The following ARHGAP18 variants were observed in gnomAD, a reference collection of about 807,000 sequenced individuals.
ARHGAP18 encodes the protein rho GTPase-activating protein 18.
ARHGAP18 carries 67 observed loss-of-function variants against 86.2 expected under a neutral mutation model. That is an observed-to-expected ratio of 0.78 (90% CI 0.64 to 0.95). The LOEUF (loss-of-function observed/expected upper bound fraction) is 0.95, where lower values mean the gene tolerates loss of function less well. ARHGAP18 is among the 40% of genes least tolerant of loss of function. ARHGAP18 has a pLI of 0.00. For synonymous variants in ARHGAP18, 283 were observed against 280.4 expected (o/e 1.01, Z -0.09); for missense variants, 691 against 780.4 (o/e 0.89, Z 1.37).
At chr6:129,702,703 A>T (rs1267060879) in intron 1 of ARHGAP18, among the ~76,000 whole-genome samples, 1 of 152,194 alleles carries the variant, frequency 6.6e-6, no homozygotes, top group Non-Finnish European at 1.5e-5. Context: ...GAACAGAATC[A>T]AGAAGAGGCA....
At chr6:129,669,195 G>A (rs1375562958) in intron 1 of ARHGAP18, among the ~76,000 whole-genome samples, 4 of 150,182 alleles carry the variant, frequency 2.7e-5, no homozygotes, top group African/African-American at 7.4e-5. Context: ...TTCTTGAGAC[G>A]GAGTCTCGCT....
At chr6:129,700,690 T>C (rs1039852927) in intron 1 of ARHGAP18, among the ~76,000 whole-genome samples, 1 of 152,220 alleles carries the variant, frequency 6.6e-6, no homozygotes, top group African/African-American at 2.4e-5. Context: ...TGTCAAGCAC[T>C]CATGTAAGTA....
chr6:129,639,274 A>T (rs1170426392), intron 2 of ARHGAP18, among the ~76,000 whole-genome samples: 1 of 152,264 alleles, frequency 6.6e-6, no homozygotes, highest in East Asian at 1.9e-4. Flanking sequence ...AAACACTGAA[A>T]GCAGGAAATA....
chr6:129,588,856 T>C (rs954402096), intron 12 of ARHGAP18, among the ~76,000 whole-genome samples: 1 of 152,272 alleles, frequency 6.6e-6, no homozygotes, highest in African/African-American at 2.4e-5. Context: ...TCTTGACTTC[T>C]GTGTACCTAC....
rs1011212702 is a variant in ARHGAP18, at chr6:129,705,309, G to A, written c.113+4715C>T. On this transcript the variant is annotated intron_variant, in intron 1 of 14. Coordinates refer to ENST00000368149, the MANE Select transcript of ARHGAP18 (RefSeq NM_033515.3). Reference sequence around the variant, plus strand: ...ATGATAGTCCTCTTCCATTTGGCATGCTGGGCAGTAGTAGTTCTTAAAGCA... The same window carrying A: ...ATGATAGTCCTCTTCCATTTGGCATACTGGGCAGTAGTAGTTCTTAAAGCA... 2.6e-5 allele frequency among the ~76,000 whole-genome samples: 4 copies of A among 152,180 alleles called. No homozygotes were observed. The East Asian group carries it at 7.7e-4, about 29-fold the overall frequency.
chr6:129,616,982 A>T (rs993671346), intron 6 of ARHGAP18, among the ~76,000 whole-genome samples: 3 of 152,188 alleles, frequency 2.0e-5, no homozygotes, highest in Non-Finnish European at 4.4e-5. Context: ...AATATCATTC[A>T]TCTTTTCCAT....
intron 1 of ARHGAP18, among the ~76,000 whole-genome samples, chr6:129,707,687 G>C (rs1774824897): frequency 1.4e-5 from 2 of 145,922 alleles, no homozygotes; most frequent in South Asian, 2.2e-4. Flanking sequence ...GTAGAGCTGT[G>C]GGGGCGGGGG....
rs1419812161 is a variant in ARHGAP18, at chr6:129,638,638, G to A, written c.317-9C>T. The A allele has an allele frequency of 2.5e-6, 4 of 1,601,548 alleles. No individual in the cohort carries two copies. The highest frequency in any genetic ancestry group is 3.4e-6 in the Non-Finnish European group (4 of 1,174,336). ...TTCTTCCAATTCTCCCTCTAAGACA[G>A]TAGAGAAAAGTGGTACTTAAATCAC... On this transcript the variant is annotated splice_polypyrimidine_tract_variant and intron_variant, in intron 2 of 14. Transcript: ENST00000368149.
At chr6:129,622,236 T>C (rs978950788) in intron 5 of ARHGAP18, among the ~76,000 whole-genome samples, 2 of 152,198 alleles carry the variant, frequency 1.3e-5, no homozygotes, top group Non-Finnish European at 2.9e-5. Flanking sequence ...TGAGTTTTCC[T>C]TTTTAAAAAT....
chr6:129,606,057 A>G, intron 9 of ARHGAP18, 98 bp from the exon 10 acceptor site: 1 of 1,123,420 alleles, frequency 8.9e-7, no homozygotes, highest in South Asian at 1.3e-5. Context: ...TTTGGCATAA[A>G]CATGACTGTA....
intron 5 of ARHGAP18, among the ~76,000 whole-genome samples, chr6:129,622,748 C>T (rs894674904): frequency 8.6e-5 from 13 of 151,982 alleles, no homozygotes; most frequent in Non-Finnish European, 1.8e-4. Flanking sequence ...CACCTGTAAT[C>T]CCAGCAATCT....
At chr6:129,663,383 T>A (rs1246171876) in intron 1 of ARHGAP18, among the ~76,000 whole-genome samples, 1 of 152,224 alleles carries the variant, frequency 6.6e-6, no homozygotes, top group African/African-American at 2.4e-5. Context: ...CTTTTTCTTT[T>A]TTTCTAGAGA....
At position 129,626,672 on chromosome 6, in the gene ARHGAP18, T is replaced by TACAC. The variant is rs66753341; in HGVS notation, c.786+2677_786+2680dup. On this transcript the variant is annotated intron_variant, in intron 5 of 14. Transcript: ENST00000368149. Reference sequence around the variant, plus strand: ...GATGTACCCCCAAAACACACACACATACACACACACACACACACACACACA... The same window carrying TACAC: ...GATGTACCCCCAAAACACACACACATACACACACACACACACACACACACACACA... Among the ~76,000 whole-genome samples the TACAC allele has an allele frequency of 2.7e-3, 392 of 147,168 alleles. 2 individuals are homozygous for TACAC. Among genetic ancestry groups the TACAC allele is most frequent in the South Asian group, 0.012 (55 of 4,572 alleles).
chr6:129,649,911 T>G (rs1014724124), intron 1 of ARHGAP18, among the ~76,000 whole-genome samples: 8 of 132,168 alleles, frequency 6.1e-5, no homozygotes, highest in Non-Finnish European at 1.3e-4. Flanking sequence ...CTTCTTTTTT[T>G]TTGTTTTTTT....
At chr6:129,638,328 A>G (rs1333342786) in intron 3 of ARHGAP18, 66 bp downstream of exon 3, 16 of 1,449,270 alleles carry the variant, frequency 1.1e-5, no homozygotes, top group Admixed American at 5.3e-5. Context: ...TTTGAATTAA[A>G]CCAGATTGAT....
chr6:129,678,719 AG>A (rs1774275991), intron 1 of ARHGAP18, among the ~76,000 whole-genome samples: 1 of 152,212 alleles, frequency 6.6e-6, no homozygotes, highest in African/African-American at 2.4e-5. Flanking sequence ...GTGTGATCTG[AG>A]CTTTGTAGTA....
intron 1 of ARHGAP18, among the ~76,000 whole-genome samples, chr6:129,683,050 T>C (rs1774350263): frequency 1.9e-5 from 2 of 107,160 alleles, no homozygotes; most frequent in South Asian, 6.7e-4. Context: ...TGTGTTTTGT[T>C]TTTTCTTTTT....
intron 12 of ARHGAP18, among the ~76,000 whole-genome samples, chr6:129,585,941 C>T (rs1415445722): frequency 6.6e-6 from 1 of 152,180 alleles, no homozygotes; most frequent in Non-Finnish European, 1.5e-5. Context: ...ATACTTCAGT[C>T]TATGACCTTG....
chr6:129,641,844 T>A lies in ARHGAP18; in HGVS notation c.288A>T (p.Gln96His), dbSNP rs1432075779. Residue 96 changes from glutamine to histidine, a missense_variant, in exon 2 of 15, where the codon CAA (glutamine) becomes CAT (histidine). Transcript: ENST00000368149. Reference sequence around the variant, plus strand: ...CAGGCTCTTTGACAACAACCACCTCTTGATCTTCTTGGCTGTTTTCACTAG... The same window carrying A: ...CAGGCTCTTTGACAACAACCACCTCATGATCTTCTTGGCTGTTTTCACTAG... Reference protein sequence around the residue: ...KKSSENSQEDQEVVVVKEPDE... With the variant: ...KKSSENSQEDHEVVVVKEPDE... 2 of 1,613,784 alleles carry A rather than the reference T, an allele frequency of 1.2e-6. No individual in the cohort carries two copies. Among genetic ancestry groups the A allele is most frequent in the Non-Finnish European group, 1.7e-6 (2 of 1,179,892 alleles).
Sources: gnomAD v4.1 joint callset for allele counts (sites outside exome capture counted in the v4.1 genomes callset) on GRCh38, gnomAD v4.1.1 for gene constraint, MANE v1.5 for transcripts, NCBI Gene and HGNC (gene_info 2026-07-23, HGNC 2026-07-21) for gene names.